Variants in THEMIS observed in about 807,000 individuals in gnomAD.
THEMIS encodes the protein thymocyte selection associated.
THEMIS carries 37 observed loss-of-function variants against 52.6 expected under a neutral mutation model. The ratio of observed to expected loss-of-function variants is 0.70; its 90% CI spans 0.54 to 0.93. The LOEUF (loss-of-function observed/expected upper bound fraction) is 0.93. THEMIS is among the 40% of genes least tolerant of loss of function. The pLI is 0.00. For missense variants in THEMIS, 808 were observed against 763.1 expected (o/e 1.06, Z -0.69); for synonymous variants, 292 against 272.7 (o/e 1.07, Z -0.70).
At chr6:127,798,594 T>G (rs1336578528) in intron 4 of THEMIS, among the ~76,000 whole-genome samples, 1 of 152,160 alleles carries the variant, frequency 6.6e-6, no homozygotes, top group African/African-American at 2.4e-5. Flanking sequence ...TTAATAACAC[T>G]CATAGGGATA....
At chr6:127,787,886 T>A (rs1562258116) in intron 4 of THEMIS, among the ~76,000 whole-genome samples, 1 of 149,644 alleles carries the variant, frequency 6.7e-6, no homozygotes, top group Admixed American at 6.7e-5. Flanking sequence ...TAGATATAGA[T>A]AGATAGATAG....
intron 2 of THEMIS, among the ~76,000 whole-genome samples, chr6:127,844,328 G>A (rs937932943): frequency 6.6e-6 from 1 of 151,826 alleles, no homozygotes; most frequent in Non-Finnish European, 1.5e-5. Flanking sequence ...TACATCTTTG[G>A]TATCTTCATT....
intron 1 of THEMIS, among the ~76,000 whole-genome samples, chr6:127,866,572 C>T (rs926997334): frequency 1.3e-5 from 2 of 151,828 alleles, no homozygotes; most frequent in African/African-American, 4.8e-5. Context: ...AATTAAATTG[C>T]CCTTTGGTGG....
chr6:127,731,458 C>G (rs899276912), intron 4 of THEMIS, among the ~76,000 whole-genome samples: 11 of 151,842 alleles, frequency 7.2e-5, no homozygotes, highest in African/African-American at 2.7e-4. Flanking sequence ...TTCATACAAA[C>G]TATAATAACA....
intron 3 of THEMIS, among the ~76,000 whole-genome samples, chr6:127,818,736 T>G (rs555139863): frequency 6.6e-6 from 1 of 151,802 alleles, no homozygotes; most frequent in African/African-American, 2.4e-5. Flanking sequence ...AGGAGTATAA[T>G]GGAAAAAGGG....
At chr6:127,714,463 C>A (rs535317033) in intron 5 of THEMIS, among the ~76,000 whole-genome samples, 13 of 151,802 alleles carry the variant, frequency 8.6e-5, no homozygotes, top group African/African-American at 2.9e-4. Context: ...CCACCCCAGC[C>A]ATAAAAAATC....
intron 4 of THEMIS, among the ~76,000 whole-genome samples, chr6:127,725,842 C>T (rs569879295): frequency 8.7e-4 from 132 of 152,184 alleles, no homozygotes; most frequent in African/African-American, 2.9e-3. Context: ...TGCAGCCTTA[C>T]GTTGTTTACA....
chr6:127,710,143 G>T, intron 5 of THEMIS, 127 bp from the exon 6 acceptor site: 1 of 510,814 alleles, frequency 2.0e-6, no homozygotes, highest in Non-Finnish European at 3.3e-6. Context: ...TGGAAGCAAA[G>T]CAGAAAGAGC....
chr6:127,737,853 G>A (rs952762995), intron 4 of THEMIS, among the ~76,000 whole-genome samples: 1 of 152,134 alleles, frequency 6.6e-6, no homozygotes, highest in African/African-American at 2.4e-5. Context: ...ACATGGATCA[G>A]TATTAGTGGA....
intron 4 of THEMIS, among the ~76,000 whole-genome samples, chr6:127,802,367 A>G (rs1380060608): frequency 1.3e-5 from 2 of 152,186 alleles, no homozygotes; most frequent in Non-Finnish European, 2.9e-5. Flanking sequence ...ACTGTCACTC[A>G]ACTACAAAAT....
At chr6:127,901,880 A>T (rs1781142699), upstream of THEMIS, among the ~76,000 whole-genome samples, 1 of 152,098 alleles carries the variant, frequency 6.6e-6, no homozygotes, top group Non-Finnish European at 1.5e-5. Context: ...AGGGGAAATG[A>T]TCAGCACCAA....
chr6:127,858,667 T>C (rs1779697393), intron 1 of THEMIS, among the ~76,000 whole-genome samples: 1 of 152,178 alleles, frequency 6.6e-6, no homozygotes, highest in South Asian at 2.1e-4. Context: ...CTGAGATATG[T>C]GTCTGAAATA....
At chr6:127,710,517 G>A (rs1470897187) in intron 5 of THEMIS, among the ~76,000 whole-genome samples, 1 of 151,904 alleles carries the variant, frequency 6.6e-6, no homozygotes, top group Non-Finnish European at 1.5e-5. Flanking sequence ...AACTACAGAG[G>A]AGGAAAAAGG....
At chr6:127,731,995 C>G (rs1332977391) in intron 4 of THEMIS, among the ~76,000 whole-genome samples, 8 of 147,770 alleles carry the variant, frequency 5.4e-5, no homozygotes, top group Non-Finnish European at 8.9e-5. Flanking sequence ...CGTGAGCCAC[C>G]TTGCCTGGCC....
At chr6:127,906,187 C>A (rs997166586) in intron 1 of THEMIS, among the ~76,000 whole-genome samples, 1 of 150,986 alleles carries the variant, frequency 6.6e-6, no homozygotes, top group Non-Finnish European at 1.5e-5. Flanking sequence ...AAAATAAATA[C>A]CATAAGACAT....
chr6:127,875,579 T>C (rs1254379936), intron 1 of THEMIS, among the ~76,000 whole-genome samples: 3 of 152,230 alleles, frequency 2.0e-5, no homozygotes, highest in Non-Finnish European at 4.4e-5. Flanking sequence ...TGCCCAATAC[T>C]GCAGCTAATA....
intron 4 of THEMIS, 125 bp from the exon 5 acceptor site, chr6:127,719,948 C>A: frequency 8.0e-7 from 1 of 1,247,382 alleles, no homozygotes; most frequent in Non-Finnish European, 1.1e-6. Flanking sequence ...CATGTCAAAG[C>A]AAGCTACAAA....
At chr6:127,763,157 T>C (rs1385851998) in intron 4 of THEMIS, among the ~76,000 whole-genome samples, 1 of 151,924 alleles carries the variant, frequency 6.6e-6, no homozygotes, top group East Asian at 1.9e-4. Flanking sequence ...CTGATTTCCA[T>C]GAATAACTTG....
At chr6:127,886,269 C>T (rs1008319816) in intron 1 of THEMIS, among the ~76,000 whole-genome samples, 3 of 152,002 alleles carry the variant, frequency 2.0e-5, no homozygotes, top group African/African-American at 7.2e-5. Flanking sequence ...TTAGTTTTTC[C>T]ATTAGTTGGA....
Sources: gnomAD v4.1 joint callset for allele counts (sites outside exome capture counted in the v4.1 genomes callset) on GRCh38, gnomAD v4.1.1 for gene constraint, MANE v1.5 for transcripts, NCBI Gene and HGNC (gene_info 2026-07-23, HGNC 2026-07-21) for gene names.